Variants in SRBD1 observed in about 807,000 individuals in gnomAD.
SRBD1 encodes S1 RNA binding domain 1.
In SRBD1, 88 loss-of-function variants were observed where a neutral mutation model predicts 115.3. The observed-to-expected ratio is 0.76, with a 90% CI of 0.64 to 0.91. The LOEUF (loss-of-function observed/expected upper bound fraction) is 0.91, where lower values mean the gene tolerates loss of function less well. SRBD1 is among the 40% of genes least tolerant of loss of function. The probability of loss-of-function intolerance (pLI) is 0.00; values close to 1 mark genes in which losing one functional copy is unlikely to be tolerated. For missense variants in SRBD1, 1,385 were observed against 1,177.4 expected (o/e 1.18, Z -2.58); for synonymous variants, 509 against 407.7 (o/e 1.25, Z -2.99).
At chr2:45,520,007 C>T (rs1422338830) in intron 14 of SRBD1, among the ~76,000 whole-genome samples, 2 of 152,160 alleles carry the variant, frequency 1.3e-5, no homozygotes, top group African/African-American at 4.8e-5. Context: ...ATGATCTTAA[C>T]CACTGCCCTG....
At chr2:45,408,856 C>A (rs1463432758) in intron 19 of SRBD1, among the ~76,000 whole-genome samples, 2 of 152,020 alleles carry the variant, frequency 1.3e-5, no homozygotes, top group Non-Finnish European at 1.5e-5. Flanking sequence ...CAATAGAAAG[C>A]AAATTAACAA....
At chr2:45,402,202 G>A (rs571624553) in intron 19 of SRBD1, among the ~76,000 whole-genome samples, 7 of 152,152 alleles carry the variant, frequency 4.6e-5, no homozygotes, top group East Asian at 3.9e-4. Flanking sequence ...ATCTCATGAC[G>A]GAATCCTTGT....
intron 18 of SRBD1, among the ~76,000 whole-genome samples, chr2:45,417,487 T>C (rs1046996582): frequency 7.9e-5 from 12 of 152,234 alleles, no homozygotes; most frequent in Non-Finnish European, 1.3e-4. Context: ...AGCTTTATAA[T>C]GTATTCTAGT....
At chr2:45,536,647 T>A (rs1671772992) in intron 14 of SRBD1, among the ~76,000 whole-genome samples, 1 of 152,174 alleles carries the variant, frequency 6.6e-6, no homozygotes, top group Non-Finnish European at 1.5e-5. Context: ...TTTAACTTTT[T>A]TCCAAGGAAT....
intron 19 of SRBD1, among the ~76,000 whole-genome samples, chr2:45,405,771 A>G (rs1277060639): frequency 1.3e-5 from 2 of 152,242 alleles, no homozygotes; most frequent in Non-Finnish European, 2.9e-5. Flanking sequence ...ACGACTGGTC[A>G]TTAGTTGAGA....
intron 14 of SRBD1, among the ~76,000 whole-genome samples, chr2:45,499,465 G>A (rs912479910): frequency 1.3e-5 from 2 of 152,046 alleles, no homozygotes; most frequent in Non-Finnish European, 2.9e-5. Context: ...TCACTTTGTT[G>A]ACTGTTTCCT....
intron 9 of SRBD1, chr2:45,569,485 T>A (rs965211297): frequency 6.6e-6 from 1 of 152,182 alleles, no homozygotes; most frequent in Admixed American, 6.5e-5. Context: ...TGTGCCACCA[T>A]GCAAAACAAT....
chr2:45,547,589 C>G lies in SRBD1; in HGVS notation c.1699G>C (p.Val567Leu). The part of the protein sequence containing the change: ...PTSQILHTDV[V>L]YLHCGQGFRE... ...AAGCCTTGTCCACAATGCAAGTAAA[C>G]CACATCAGTATGAAGTATCTGACCT... Residue 567 changes from valine to leucine, a missense_variant, in exon 13 of 21, where the codon GTT (valine) becomes CTT (leucine). By Grantham distance (32) the Val-to-Leu change is conservative. Coordinates refer to ENST00000263736, the MANE Select transcript of SRBD1 (RefSeq NM_018079.5). 2 of 1,613,444 alleles carry G rather than the reference C, an allele frequency of 1.2e-6. No individual in the cohort carries two copies. Among genetic ancestry groups the G allele is most frequent in the African/African-American group, 2.7e-5 (2 of 75,024 alleles).
chr2:45,539,522 C>T (rs1671867292), intron 14 of SRBD1, among the ~76,000 whole-genome samples: 1 of 152,138 alleles, frequency 6.6e-6, no homozygotes, highest in South Asian at 2.1e-4. Context: ...ACTCTACCCC[C>T]AGGAGATCAC....
At chr2:45,463,314 T>C (rs1043889433) in intron 16 of SRBD1, among the ~76,000 whole-genome samples, 1 of 152,178 alleles carries the variant, frequency 6.6e-6, no homozygotes, top group Non-Finnish European at 1.5e-5. Flanking sequence ...ATGCATACTG[T>C]CCCTATAATA....
At position 45,476,623 on chromosome 2, in the gene SRBD1, T is replaced by C. The variant is rs7556689; in HGVS notation, c.2049+370A>G. Among the ~76,000 whole-genome samples the C allele has an allele frequency of 1.7e-3, 254 of 152,344 alleles. 1 individual carries two copies. Among genetic ancestry groups the C allele is most frequent in the African/African-American group, 5.7e-3 (235 of 41,582 alleles). ...TAATCACACATAAGATCTACTTATCTACTGTGAAGATCAAGTTCAATGCAT... is the reference window on the plus strand; with the variant it reads ...TAATCACACATAAGATCTACTTATCCACTGTGAAGATCAAGTTCAATGCAT... On this transcript the variant is annotated intron_variant, in intron 16 of 20. Coordinates refer to ENST00000263736, the MANE Select transcript of SRBD1 (RefSeq NM_018079.5).
intron 18 of SRBD1, among the ~76,000 whole-genome samples, chr2:45,416,166 C>T (rs1667826138): frequency 6.6e-6 from 1 of 151,808 alleles, no homozygotes; most frequent in Non-Finnish European, 1.5e-5. Flanking sequence ...ATAAATACAA[C>T]AAATATGAAT....
intron 16 of SRBD1, among the ~76,000 whole-genome samples, chr2:45,471,219 A>G (rs1029843602): frequency 2.0e-5 from 3 of 152,024 alleles, no homozygotes; most frequent in Admixed American, 2.0e-4. Flanking sequence ...TCAAAAAGTG[A>G]AAAAAAATCA....
intron 9 of SRBD1, among the ~76,000 whole-genome samples, chr2:45,572,722 C>T (rs1239465479): frequency 6.6e-6 from 1 of 152,064 alleles, no homozygotes; most frequent in Non-Finnish European, 1.5e-5. Flanking sequence ...TTAAAAGCCA[C>T]ATTCCACAAT....
chr2:45,408,597 G>A (rs1291999010), intron 19 of SRBD1, among the ~76,000 whole-genome samples: 1 of 152,170 alleles, frequency 6.6e-6, no homozygotes, highest in East Asian at 1.9e-4. Flanking sequence ...GTTTACAGGA[G>A]AAATTCAAGA....
At chr2:45,425,790 T>C (rs1481614834) in intron 16 of SRBD1, among the ~76,000 whole-genome samples, 1 of 152,058 alleles carries the variant, frequency 6.6e-6, no homozygotes, top group Admixed American at 6.6e-5. Flanking sequence ...TGAGGGACTG[T>C]GCTGTGAGGA....
chr2:45,608,822 A>ATTT (rs1198504872), intron 1 of SRBD1, among the ~76,000 whole-genome samples: 1 of 143,588 alleles, frequency 7.0e-6, no homozygotes, highest in Non-Finnish European at 1.5e-5. Flanking sequence ...GAAAAAAAAA[A>ATTT]TTTTTTTTTT....
intron 9 of SRBD1, among the ~76,000 whole-genome samples, chr2:45,567,183 T>C (rs764020632): frequency 6.6e-6 from 1 of 152,198 alleles, no homozygotes; most frequent in Non-Finnish European, 1.5e-5. Context: ...ATTTTAAAAA[T>C]ATTGAGTAAA....
At chr2:45,414,138 G>A (rs1276192724) in intron 18 of SRBD1, among the ~76,000 whole-genome samples, 2 of 152,100 alleles carry the variant, frequency 1.3e-5, no homozygotes, top group South Asian at 2.1e-4. Flanking sequence ...ATATCTTAAA[G>A]TTTCTGAGAG....
Sources: allele counts gnomAD v4.1 joint callset (sites outside exome capture counted in the v4.1 genomes callset), GRCh38; gene constraint gnomAD v4.1.1; transcripts MANE v1.5; gene names NCBI Gene and HGNC (gene_info 2026-07-23, HGNC 2026-07-21).